ANKRD62: variants seen among roughly 807,000 people sequenced by gnomAD.
ANKRD62 encodes ankyrin repeat domain 62.
Under a neutral mutation model 98.8 loss-of-function variants are expected in ANKRD62, and 61 were observed. The ratio of observed to expected loss-of-function variants is 0.62; its 90% CI spans 0.50 to 0.76. ANKRD62 has a LOEUF of 0.76. Ranked by LOEUF, ANKRD62 falls within the 30% of genes least tolerant of loss-of-function variation. The probability of loss-of-function intolerance (pLI) is 0.00; values close to 1 mark genes in which losing one functional copy is unlikely to be tolerated. For synonymous variants in ANKRD62, 341 were observed against 367.9 expected, an observed-to-expected ratio of 0.93 and a Z score of 0.84; for missense variants, 933 against 1,082.9, an observed-to-expected ratio of 0.86 and a Z score of 1.94.
intron 12 of ANKRD62, among the ~76,000 whole-genome samples, chr18:12,125,148 T>A (rs988722171): frequency 6.6e-6 from 1 of 152,064 alleles, no homozygotes. Context: ...TATTAATCAT[T>A]TATGTTTTTG....
the ANKRD62 span, among the ~76,000 whole-genome samples, chr18:12,169,766 A>T: frequency 6.6e-6 from 1 of 151,974 alleles, no homozygotes; most frequent in Non-Finnish European, 1.5e-5. Flanking sequence ...CTGGTCCTGG[A>T]CTTTTTTTGG....
chr18:12,099,145 C>G (rs560757085), intron 5 of ANKRD62, among the ~76,000 whole-genome samples: 1 of 152,250 alleles, frequency 6.6e-6, no homozygotes, highest in East Asian at 1.9e-4. Flanking sequence ...TGTGAAAATA[C>G]ACATTGGGTT....
chr18:12,133,728 TG>T (rs1910039420), downstream of ANKRD62, among the ~76,000 whole-genome samples: 1 of 152,142 alleles, frequency 6.6e-6, no homozygotes, highest in Admixed American at 6.6e-5. Flanking sequence ...ATTGCCTTTT[TG>T]TAGTTGATTT....
At chr18:12,173,914 C>CTTTAACA in the ANKRD62 span, among the ~76,000 whole-genome samples, 2 of 152,190 alleles carry the variant, frequency 1.3e-5, no homozygotes, top group Non-Finnish European at 2.9e-5. Context: ...CTCTAGCTGC[C>CTTTAACA]TTTAACATTT....
chr18:12,096,290 A>C lies in ANKRD62; in HGVS notation c.602A>C (p.Asp201Ala), dbSNP rs1909181332. The change falls in exon 4 of 14, where the codon GAT becomes GCT. Residue 201 changes from aspartate to alanine, a missense_variant. By Grantham distance (126) the Asp-to-Ala change is moderately radical. Around this residue, in one of 3 missense-constraint regions of ANKRD62, gnomAD observed 549 missense variants for 587.9 expected, o/e 0.93. Coordinates refer to ENST00000587848, the MANE Select transcript of ANKRD62 (RefSeq NM_001277333.2). ...LKKKPDLTAI[D>A]NFGRTALILA... Reference sequence around the variant, plus strand: ...AAAAAACCAGATTTAACTGCAATAGATAATTTTGGAAGGTACAGTAGTTCT... The same window carrying C: ...AAAAAACCAGATTTAACTGCAATAGCTAATTTTGGAAGGTACAGTAGTTCT... 1 of 1,525,850 alleles carries C rather than the reference A, an allele frequency of 6.6e-7. No individual in the cohort carries two copies. Among genetic ancestry groups the C allele is most frequent in the Non-Finnish European group, 8.8e-7 (1 of 1,137,904 alleles). 94.5% of individuals were successfully genotyped at this position (1,525,850 alleles called of 1,614,324 possible).
the ANKRD62 span, among the ~76,000 whole-genome samples, chr18:12,135,902 C>T: frequency 6.6e-6 from 1 of 151,796 alleles, no homozygotes; most frequent in Non-Finnish European, 1.5e-5. Flanking sequence ...TTGTTTTTTT[C>T]TTGTAATTTT....
At chr18:12,130,925 G>A (rs2143939801), downstream of ANKRD62, among the ~76,000 whole-genome samples, 2 of 152,204 alleles carry the variant, frequency 1.3e-5, no homozygotes, top group Middle Eastern at 6.9e-3. Context: ...CCTGACCTCA[G>A]GTGATCCACT....
At chr18:12,118,523 C>T (rs1367552287) in intron 10 of ANKRD62, among the ~76,000 whole-genome samples, 2 of 150,726 alleles carry the variant, frequency 1.3e-5, no homozygotes, top group Non-Finnish European at 2.9e-5. Context: ...GCAGGAGAAT[C>T]GCTTGAAGCT....
the ANKRD62 span, among the ~76,000 whole-genome samples, chr18:12,171,145 T>C: frequency 6.6e-6 from 1 of 152,182 alleles, no homozygotes; most frequent in Non-Finnish European, 1.5e-5. Flanking sequence ...ACATTTAAGG[T>C]TAATATTGTT....
chr18:12,114,315 T>C (rs1909612147), intron 8 of ANKRD62, among the ~76,000 whole-genome samples: 1 of 152,222 alleles, frequency 6.6e-6, no homozygotes, highest in Admixed American at 6.5e-5. Flanking sequence ...TAAAATCTTA[T>C]TTTTAAAATA....
At chr18:12,158,074 C>T in the ANKRD62 span, among the ~76,000 whole-genome samples, 1 of 152,252 alleles carries the variant, frequency 6.6e-6, no homozygotes, top group Non-Finnish European at 1.5e-5. Flanking sequence ...CCAGGCCTGC[C>T]TTCCTCATCT....
In ANKRD62 at chr18:12,093,856, T is replaced by C. The variant is rs933159964; in HGVS notation, c.-162T>C. The C allele has an allele frequency of 4.5e-6, 3 of 668,442 alleles. No homozygotes were observed. Among genetic ancestry groups the C allele is most frequent in the East Asian group, 5.4e-5 (2 of 36,708 alleles). The allele number at this position is 668,442 out of a possible 1,614,324, so 41.4% of individuals were successfully genotyped here. A position where few individuals can be genotyped will look rare whatever the true frequency, so the allele number is the denominator to read the frequency against. ...CTGGTGCCTAACGGCTCTGCTGGGC[T>C]AGGTGCTCCTCCGAGCAGCTGGAGA... On this transcript the variant is annotated 5_prime_UTR_variant, in exon 1 of 14. Transcript: ENST00000587848.
chr18:12,137,858 G>A, the ANKRD62 span, among the ~76,000 whole-genome samples: 2,151 of 152,248 alleles, frequency 0.014, 21 homozygotes, highest in Non-Finnish European at 0.021. Context: ...ATTCTCTGAT[G>A]GTAGTTTGTA....
chr18:12,107,539 A>G, intron 8 of ANKRD62, 72 bp downstream of exon 8: 5 of 1,170,126 alleles, frequency 4.3e-6, no homozygotes, highest in Non-Finnish European at 5.5e-6. Flanking sequence ...ATTTGGGTTA[A>G]TATGTACGAT....
chr18:12,103,143 TG>T lies in ANKRD62; in HGVS notation c.821-13del. 7.3e-7 allele frequency: 1 copy of T among 1,372,102 alleles called. No homozygotes were observed. The highest frequency in any genetic ancestry group is 2.0e-5 in the South Asian group (1 of 49,904). The allele number at this position is 1,372,102 out of a possible 1,614,324, so 85.0% of individuals were successfully genotyped here. A position where few individuals can be genotyped will look rare whatever the true frequency, so the allele number is the denominator to read the frequency against. On this transcript the variant is annotated splice_polypyrimidine_tract_variant and intron_variant, in intron 6 of 13. Transcript: ENST00000587848. ...AAGTAGTTCATTTTAACTAAATATATGGATTTGTGAGCAGAACAAGACTTAG... is the reference window on the plus strand; with the variant it reads ...AAGTAGTTCATTTTAACTAAATATATGATTTGTGAGCAGAACAAGACTTAG...
intron 11 of ANKRD62, 142 bp downstream of exon 11, chr18:12,122,658 TA>T (rs1046677998): frequency 2.9e-6 from 2 of 683,306 alleles, no homozygotes; most frequent in African/African-American, 3.6e-5. Flanking sequence ...AATTTTTGGA[TA>T]AAAAATCACA....
chr18:12,167,458 C>G, the ANKRD62 span, among the ~76,000 whole-genome samples: 4 of 152,134 alleles, frequency 2.6e-5, no homozygotes, highest in African/African-American at 9.7e-5. Context: ...CTACAAAGGA[C>G]ATGAACTCAT....
intron 6 of ANKRD62, 65 bp from the exon 7 acceptor site, chr18:12,103,093 A>G: frequency 1.8e-6 from 2 of 1,118,944 alleles, no homozygotes; most frequent in Non-Finnish European, 2.3e-6. Flanking sequence ...TTTTATAAAG[A>G]CTAAAGTTTT....
the ANKRD62 span, among the ~76,000 whole-genome samples, chr18:12,138,773 T>C: frequency 1.3e-5 from 2 of 152,168 alleles, no homozygotes; most frequent in African/African-American, 4.8e-5. Flanking sequence ...GTTCTTGTTG[T>C]ATTGATCCCT....
Sources: allele counts gnomAD v4.1 joint callset (sites outside exome capture counted in the v4.1 genomes callset), GRCh38; gene constraint gnomAD v4.1.1; regional missense constraint gnomAD v4.1.1; transcripts MANE v1.5; gene names NCBI Gene and HGNC (gene_info 2026-07-23, HGNC 2026-07-21).